The following CCDC30 variants were observed in gnomAD, a reference collection of about 807,000 sequenced individuals.
CCDC30 encodes coiled-coil domain-containing protein 30.
CCDC30 carries 70 observed loss-of-function variants against 100.2 expected under a neutral mutation model. That is an observed-to-expected ratio of 0.70 (90% CI 0.58 to 0.85). The LOEUF is 0.85. CCDC30 is among the 40% of genes least tolerant of loss of function. CCDC30 has a pLI of 0.00. For synonymous variants in CCDC30, 233 were observed against 269.5 expected (o/e 0.86, Z 1.33); for missense variants, 652 against 771.2 (o/e 0.85, Z 1.83).
chr1:42,463,705 GC>G (rs1454700979), exon 1 of CCDC30: 1 of 152,104 alleles, frequency 6.6e-6, no homozygotes, highest in Non-Finnish European at 1.5e-5. Context: ...GTCGAGACGC[GC>G]CCCTGGACAG....
chr1:42,510,487 T>C (rs1430459336), intron 6 of CCDC30, among the ~76,000 whole-genome samples: 1 of 152,058 alleles, frequency 6.6e-6, no homozygotes, highest in Non-Finnish European at 1.5e-5. Flanking sequence ...TGAAAACCCG[T>C]CTTTACTAAA....
At chr1:42,651,246 A>C (rs1648321237) in intron 15 of CCDC30, among the ~76,000 whole-genome samples, 1 of 152,180 alleles carries the variant, frequency 6.6e-6, no homozygotes, top group Admixed American at 6.5e-5. Flanking sequence ...ATTATATCAA[A>C]CTAAAAAGCT....
intron 3 of CCDC30, among the ~76,000 whole-genome samples, chr1:42,489,574 GGCGATCCACTA>G (rs1423353526): frequency 6.6e-6 from 1 of 152,072 alleles, no homozygotes; most frequent in Non-Finnish European, 1.5e-5. Context: ...TGATAATATA[GGCGATCCACTA>G]GCAATATCGC....
At chr1:42,605,233 G>C (rs1244928282) in intron 10 of CCDC30, among the ~76,000 whole-genome samples, 1 of 152,184 alleles carries the variant, frequency 6.6e-6, no homozygotes. Flanking sequence ...CAATAGGTTA[G>C]CATTATATAG....
intron 9 of CCDC30, among the ~76,000 whole-genome samples, chr1:42,585,246 T>C (rs1646045321): frequency 6.6e-6 from 1 of 152,132 alleles, no homozygotes; most frequent in Non-Finnish European, 1.5e-5. Context: ...CCTTCTTTCA[T>C]TTTGATATTT....
At chr1:42,608,882 A>C (rs1397594235) in intron 10 of CCDC30, among the ~76,000 whole-genome samples, 1 of 152,188 alleles carries the variant, frequency 6.6e-6, no homozygotes, top group Non-Finnish European at 1.5e-5. Flanking sequence ...GTACTAGAAA[A>C]CAAATTGACC....
intron 6 of CCDC30, among the ~76,000 whole-genome samples, chr1:42,553,652 T>C (rs374265676): frequency 1.3e-4 from 17 of 133,826 alleles, no homozygotes; most frequent in East Asian, 2.2e-4. Flanking sequence ...TGAGATTCCA[T>C]ACACACACAC....
intron 7 of CCDC30, among the ~76,000 whole-genome samples, chr1:42,574,881 T>C (rs1645801736): frequency 6.6e-6 from 1 of 152,230 alleles, no homozygotes; most frequent in Non-Finnish European, 1.5e-5. Context: ...AATTATTGAA[T>C]ATCAACACTT....
At chr1:42,471,685 C>G (rs58903071) in intron 1 of CCDC30, among the ~76,000 whole-genome samples, 3 of 151,814 alleles carry the variant, frequency 2.0e-5, no homozygotes. Context: ...TGAAGGAGGT[C>G]GGGGGAACAG....
At chr1:42,613,622 T>C (rs1464425500) in intron 11 of CCDC30, among the ~76,000 whole-genome samples, 1 of 152,146 alleles carries the variant, frequency 6.6e-6, no homozygotes, top group African/African-American at 2.4e-5. Context: ...TTTTTTAGTC[T>C]ATATAGGGTA....
intron 3 of CCDC30, among the ~76,000 whole-genome samples, chr1:42,485,419 CAT>C (rs1358503568): frequency 6.6e-6 from 1 of 152,110 alleles, no homozygotes; most frequent in Non-Finnish European, 1.5e-5. Flanking sequence ...ATTTGCAAAT[CAT>C]GTGTTTGATA....
intron 9 of CCDC30, among the ~76,000 whole-genome samples, chr1:42,582,685 A>T (rs905140066): frequency 1.3e-5 from 2 of 152,212 alleles, no homozygotes; most frequent in Admixed American, 6.5e-5. Flanking sequence ...TGAGCATCAC[A>T]AAAAACTGTT....
intron 10 of CCDC30, chr1:42,595,047 A>G (rs902748514): frequency 6.6e-6 from 1 of 151,648 alleles, no homozygotes; most frequent in South Asian, 2.1e-4. Context: ...GTTTTTCTGC[A>G]TGATAGGATA....
At chr1:42,495,488 C>G (rs950572378) in intron 4 of CCDC30, among the ~76,000 whole-genome samples, 91 of 149,952 alleles carry the variant, frequency 6.1e-4, no homozygotes, top group Non-Finnish European at 1.2e-3. Flanking sequence ...CACATGTACC[C>G]TAAAACTTAA....
chr1:42,462,078 C>T (rs907741897), upstream of CCDC30, among the ~76,000 whole-genome samples: 2 of 152,160 alleles, frequency 1.3e-5, no homozygotes, highest in African/African-American at 4.8e-5. Flanking sequence ...TAATTATTAC[C>T]TCCCTTGGGA....
intron 11 of CCDC30, among the ~76,000 whole-genome samples, chr1:42,616,204 C>T (rs975624363): frequency 5.3e-5 from 8 of 152,250 alleles, no homozygotes; most frequent in Admixed American, 1.3e-4. Context: ...GCATGAGCCA[C>T]TGTGCCTGGC....
At chr1:42,456,467 C>T in the CCDC30 span, 1 of 1,285,782 alleles carries the variant, frequency 7.8e-7, no homozygotes, top group African/African-American at 1.5e-5. Context: ...GGTAGTGAAC[C>T]GCCCACTCAG....
intron 9 of CCDC30, among the ~76,000 whole-genome samples, chr1:42,586,083 G>A (rs560819249): frequency 1.3e-5 from 2 of 152,302 alleles, no homozygotes; most frequent in East Asian, 3.9e-4. Context: ...GGATATCTAT[G>A]GAGTGAGGGA....
intron 12 of CCDC30, among the ~76,000 whole-genome samples, chr1:42,640,145 C>A (rs1647285010): frequency 6.6e-6 from 1 of 152,086 alleles, no homozygotes; most frequent in African/African-American, 2.4e-5. Context: ...GCCCAAGGAC[C>A]AGAGCACTGA....
Sources: gnomAD v4.1 joint callset for allele counts (sites outside exome capture counted in the v4.1 genomes callset) on GRCh38, gnomAD v4.1.1 for gene constraint, MANE v1.5 for transcripts, NCBI Gene and HGNC (gene_info 2026-07-23, HGNC 2026-07-21) for gene names.